Variants in CTNNA2 observed in about 807,000 individuals in gnomAD.
CTNNA2 encodes the protein catenin alpha-2.
In CTNNA2, 42 loss-of-function variants were observed where a neutral mutation model predicts 101.0. The observed-to-expected ratio is 0.42, with a 90% CI of 0.32 to 0.54. The LOEUF (loss-of-function observed/expected upper bound fraction) is 0.54, where lower values mean the gene tolerates loss of function less well. Ranked by LOEUF, CTNNA2 falls within the 20% of genes least tolerant of loss-of-function variation. CTNNA2 has a pLI of 0.14. For synonymous variants in CTNNA2, 450 were observed against 456.4 expected, an observed-to-expected ratio of 0.99 and a Z score of 0.18; for missense variants, 871 against 1,223.1, an observed-to-expected ratio of 0.71 and a Z score of 4.29.
At chr2:80,629,803 T>C (rs143368068) in intron 18 of CTNNA2, among the ~76,000 whole-genome samples, 1 of 152,268 alleles carries the variant, frequency 6.6e-6, no homozygotes, top group Admixed American at 6.5e-5. Flanking sequence ...CACAAACATC[T>C]CCAAACTTTG....
chr2:79,660,112 T>G (rs1681917350), intron 2 of CTNNA2, among the ~76,000 whole-genome samples: 1 of 151,948 alleles, frequency 6.6e-6, no homozygotes, highest in South Asian at 2.1e-4. Context: ...TATATATACA[T>G]ACATATTACA....
At chr2:79,236,312 T>A (rs1406877192) in intron 2 of CTNNA2, among the ~76,000 whole-genome samples, 3 of 152,166 alleles carry the variant, frequency 2.0e-5, no homozygotes, top group Non-Finnish European at 2.9e-5. Flanking sequence ...CTTTTTAATG[T>A]TTTTTAGAGA....
chr2:79,709,656 T>G (rs1685619224), intron 2 of CTNNA2, among the ~76,000 whole-genome samples: 1 of 152,108 alleles, frequency 6.6e-6, no homozygotes, highest in African/African-American at 2.4e-5. Flanking sequence ...ACTACTGCAG[T>G]ATGCCAGACC....
intron 7 of CTNNA2, among the ~76,000 whole-genome samples, chr2:80,228,729 G>C (rs1191719890): frequency 6.6e-6 from 1 of 152,090 alleles, no homozygotes; most frequent in Non-Finnish European, 1.5e-5. Flanking sequence ...TGCACATTGA[G>C]GACAATTAAA....
chr2:80,264,829 C>G (rs1339631081), intron 7 of CTNNA2, among the ~76,000 whole-genome samples: 3 of 152,018 alleles, frequency 2.0e-5, no homozygotes, highest in East Asian at 1.9e-4. Flanking sequence ...TTATGTGGAG[C>G]TCAAGGTTTG....
chr2:80,421,291 A>G (rs1481504088), intron 9 of CTNNA2, among the ~76,000 whole-genome samples: 3 of 152,236 alleles, frequency 2.0e-5, no homozygotes, highest in African/African-American at 7.2e-5. Flanking sequence ...TTTACTGAAA[A>G]TATTCATTGA....
At chr2:79,611,997 G>A (rs1372283564) in intron 1 of CTNNA2, among the ~76,000 whole-genome samples, 1 of 152,118 alleles carries the variant, frequency 6.6e-6, no homozygotes, top group African/African-American at 2.4e-5. Context: ...TAACGAGGTT[G>A]CTAGAACCCT....
chr2:79,353,636 C>A (rs979360278), intron 3 of CTNNA2, among the ~76,000 whole-genome samples: 2 of 152,004 alleles, frequency 1.3e-5, no homozygotes, highest in African/African-American at 4.8e-5. Context: ...TCATTCTATG[C>A]CAATTTAAGT....
chr2:79,187,265 CTTTTCTT>C (rs1414241680), intron 1 of CTNNA2, among the ~76,000 whole-genome samples: 17 of 83,390 alleles, frequency 2.0e-4, no homozygotes, highest in South Asian at 3.8e-4. Flanking sequence ...CTTTTCTTTT[CTTTTCTT>C]TTTTTTTTTT....
chr2:80,097,607 A>G (rs538843807), intron 7 of CTNNA2, among the ~76,000 whole-genome samples: 5 of 152,144 alleles, frequency 3.3e-5, no homozygotes, highest in Non-Finnish European at 7.3e-5. Context: ...GTGTTTTCCA[A>G]CTTGGTTCCA....
intron 12 of CTNNA2, among the ~76,000 whole-genome samples, chr2:80,569,517 T>G (rs1006778056): frequency 6.6e-6 from 1 of 151,896 alleles, no homozygotes; most frequent in African/African-American, 2.4e-5. Context: ...ATACACAATG[T>G]GTGCATCACA....
intron 2 of CTNNA2, among the ~76,000 whole-genome samples, chr2:79,742,488 T>C (rs1261554322): frequency 6.6e-6 from 1 of 152,168 alleles, no homozygotes; most frequent in Non-Finnish European, 1.5e-5. Context: ...GTTGCTGTGT[T>C]TGCTTAGGGG....
chr2:80,559,878 T>TTA (rs1442188917), intron 12 of CTNNA2, among the ~76,000 whole-genome samples: 86 of 114,020 alleles, frequency 7.5e-4, no homozygotes, highest in Middle Eastern at 5.1e-3. Context: ...GATATCATAT[T>TTA]TATATATATA....
At chr2:80,511,062 T>A (rs774697997) in intron 9 of CTNNA2, among the ~76,000 whole-genome samples, 1 of 152,292 alleles carries the variant, frequency 6.6e-6, no homozygotes, top group South Asian at 2.1e-4. Context: ...CAAAGAATTG[T>A]GAGCAACTTT....
intron 2 of CTNNA2, among the ~76,000 whole-genome samples, chr2:79,742,240 A>G (rs1671336520): frequency 6.6e-6 from 1 of 152,190 alleles, no homozygotes; most frequent in African/African-American, 2.4e-5. Flanking sequence ...CCCACATTAT[A>G]GTCGTGTAGC....
intron 7 of CTNNA2, among the ~76,000 whole-genome samples, chr2:80,194,703 A>G (rs1243272330): frequency 6.6e-6 from 1 of 150,650 alleles, no homozygotes; most frequent in Non-Finnish European, 1.5e-5. Flanking sequence ...ATTTGAGGAA[A>G]AATACCCGTG....
intron 7 of CTNNA2, among the ~76,000 whole-genome samples, chr2:80,153,184 A>T (rs1352124810): frequency 2.0e-5 from 3 of 152,160 alleles, no homozygotes; most frequent in Non-Finnish European, 4.4e-5. Flanking sequence ...TTCAGTGTCC[A>T]TGCTAAGGGT....
intron 8 of CTNNA2, among the ~76,000 whole-genome samples, chr2:80,399,160 T>A (rs1678327146): frequency 6.6e-6 from 1 of 151,062 alleles, no homozygotes; most frequent in Admixed American, 6.6e-5. Context: ...CCGTGAAAGG[T>A]CATCCTTTGG....
intron 2 of CTNNA2, among the ~76,000 whole-genome samples, chr2:79,309,010 G>T (rs1573062027): frequency 6.6e-6 from 1 of 151,508 alleles, no homozygotes; most frequent in African/African-American, 2.4e-5. Flanking sequence ...GCCCTATATT[G>T]TCTCCTTTAT....
Sources: gnomAD v4.1 joint callset for allele counts (sites outside exome capture counted in the v4.1 genomes callset) on GRCh38, gnomAD v4.1.1 for gene constraint, MANE v1.5 for transcripts, NCBI Gene and HGNC (gene_info 2026-07-23, HGNC 2026-07-21) for gene names.